Variants in MAST4 observed in about 807,000 individuals in gnomAD.
The protein encoded by MAST4 is microtubule associated serine/threonine kinase family member 4.
MAST4 carries 89 observed loss-of-function variants against 162.7 expected under a neutral mutation model. The ratio of observed to expected loss-of-function variants is 0.55; its 90% CI spans 0.46 to 0.65. MAST4 has a LOEUF of 0.65. MAST4 is among the 30% of genes least tolerant of loss of function. MAST4 has a pLI of 0.00. For synonymous variants in MAST4, 1,479 were observed against 1,361.1 expected (o/e 1.09, Z -1.91); for missense variants, 3,153 against 3,374.0 (o/e 0.93, Z 1.62).
chr5:66,881,060 C>A (rs1157716359), intron 3 of MAST4, among the ~76,000 whole-genome samples: 1 of 152,190 alleles, frequency 6.6e-6, no homozygotes, highest in Non-Finnish European at 1.5e-5. Context: ...CTCATGTAAT[C>A]AGCACCAAGA....
intron 4 of MAST4, among the ~76,000 whole-genome samples, chr5:66,956,167 TTAAAA>T (rs1476510523): frequency 6.6e-6 from 1 of 152,034 alleles, no homozygotes; most frequent in Non-Finnish European, 1.5e-5. Context: ...CCCTCCCCCA[TTAAAA>T]TTTTAAGAAA....
At chr5:66,702,798 C>T (rs1749864586) in intron 1 of MAST4, among the ~76,000 whole-genome samples, 2 of 152,138 alleles carry the variant, frequency 1.3e-5, no homozygotes, top group African/African-American at 4.8e-5. Flanking sequence ...GCCTTTTGTA[C>T]TGAGTGGATG....
At chr5:66,826,213 AC>A (rs1757247349) in intron 3 of MAST4, among the ~76,000 whole-genome samples, 1 of 152,088 alleles carries the variant, frequency 6.6e-6, no homozygotes, top group African/African-American at 2.4e-5. Context: ...TCAAAATGAT[AC>A]ATTTTGACAG....
intron 5 of MAST4, among the ~76,000 whole-genome samples, chr5:67,066,559 T>A (rs1357456125): frequency 6.6e-6 from 1 of 152,128 alleles, no homozygotes; most frequent in Non-Finnish European, 1.5e-5. Context: ...TTTCCCCTAA[T>A]GGTTGGTTTC....
chr5:66,781,516 T>C (rs1378853542), intron 2 of MAST4, among the ~76,000 whole-genome samples: 1 of 152,236 alleles, frequency 6.6e-6, no homozygotes, highest in East Asian at 1.9e-4. Flanking sequence ...TCTGCAGTGC[T>C]ACCCCTGTTC....
At chr5:66,780,461 T>C (rs1226522258) in intron 2 of MAST4, among the ~76,000 whole-genome samples, 1 of 152,178 alleles carries the variant, frequency 6.6e-6, no homozygotes, top group Non-Finnish European at 1.5e-5. Context: ...GTTTCTTCCT[T>C]CCAGTGGGCT....
At chr5:67,078,887 T>C (rs1286251789) in intron 5 of MAST4, among the ~76,000 whole-genome samples, 1 of 92,004 alleles carries the variant, frequency 1.1e-5, no homozygotes, top group African/African-American at 4.8e-5. Flanking sequence ...TAAATATATT[T>C]ATATATTTAT....
chr5:67,099,677 A>C (rs755613858), intron 7 of MAST4, among the ~76,000 whole-genome samples: 3 of 152,152 alleles, frequency 2.0e-5, no homozygotes, highest in African/African-American at 7.2e-5. Context: ...TTTTTAGTTA[A>C]ATGTTTCAGA....
intron 5 of MAST4, among the ~76,000 whole-genome samples, chr5:67,066,896 A>T (rs886101957): frequency 6.6e-6 from 1 of 152,220 alleles, no homozygotes; most frequent in African/African-American, 2.4e-5. Context: ...AATAAGCATC[A>T]AGAATGTGTT....
chr5:66,663,795 G>A (rs1296283669), intron 1 of MAST4, among the ~76,000 whole-genome samples: 1 of 152,202 alleles, frequency 6.6e-6, no homozygotes, highest in Non-Finnish European at 1.5e-5. Flanking sequence ...AAGGTTTTGA[G>A]CAAAGGAATG....
At chr5:66,877,214 G>A (rs1349187176) in intron 3 of MAST4, among the ~76,000 whole-genome samples, 9 of 152,156 alleles carry the variant, frequency 5.9e-5, no homozygotes, top group Admixed American at 5.9e-4. Context: ...TGATATAAGG[G>A]AGGCTTAAAT....
At chr5:66,724,392 G>T (rs181107157) in intron 1 of MAST4, among the ~76,000 whole-genome samples, 49 of 152,226 alleles carry the variant, frequency 3.2e-4, no homozygotes, top group Admixed American at 9.8e-4. Context: ...TATCCAGGTG[G>T]GATTCTGGCC....
chr5:66,685,571 T>G (rs564324211), intron 1 of MAST4, among the ~76,000 whole-genome samples: 172 of 152,104 alleles, frequency 1.1e-3, no homozygotes, highest in African/African-American at 4.0e-3. Context: ...TTGATCAAAC[T>G]AGGGAACAAA....
intron 4 of MAST4, among the ~76,000 whole-genome samples, chr5:66,903,794 C>A (rs761363498): frequency 9.2e-5 from 14 of 152,084 alleles, no homozygotes; most frequent in Non-Finnish European, 1.6e-4. Flanking sequence ...AGCAAGGTGC[C>A]CAGTATAATA....
intron 3 of MAST4, among the ~76,000 whole-genome samples, chr5:66,889,696 T>C (rs753889036): frequency 5.9e-5 from 9 of 152,190 alleles, no homozygotes; most frequent in South Asian, 2.1e-4. Flanking sequence ...CTAGATTCCT[T>C]CTTCTAATTC....
At chr5:67,120,502 C>A (rs1767448075) in intron 13 of MAST4, among the ~76,000 whole-genome samples, 1 of 152,024 alleles carries the variant, frequency 6.6e-6, no homozygotes, top group Non-Finnish European at 1.5e-5. Flanking sequence ...TTTTGTAAGC[C>A]ATGTTAGATT....
intron 4 of MAST4, among the ~76,000 whole-genome samples, chr5:67,009,411 G>T (rs1472089963): frequency 6.6e-6 from 1 of 152,162 alleles, no homozygotes; most frequent in Admixed American, 6.5e-5. Flanking sequence ...GAAGCAGAGA[G>T]TTGGAAGGGG....
At chr5:66,991,927 G>T (rs1357187917) in intron 4 of MAST4, among the ~76,000 whole-genome samples, 1 of 152,188 alleles carries the variant, frequency 6.6e-6, no homozygotes, top group Non-Finnish European at 1.5e-5. Flanking sequence ...GTTATTTGAA[G>T]GTAGCTGCAG....
At chr5:66,759,911 G>T in intron 2 of MAST4, 49 bp downstream of exon 2, 1 of 1,596,726 alleles carries the variant, frequency 6.3e-7, no homozygotes, top group South Asian at 1.1e-5. Flanking sequence ...TTCTTTACAA[G>T]GTCCTGCATG....
Sources: gnomAD v4.1 joint callset for allele counts (sites outside exome capture counted in the v4.1 genomes callset) on GRCh38, gnomAD v4.1.1 for gene constraint, MANE v1.5 for transcripts, NCBI Gene and HGNC (gene_info 2026-07-23, HGNC 2026-07-21) for gene names.